CPNE4: variants seen among roughly 807,000 people sequenced by gnomAD.
CPNE4 encodes the protein copine 4.
A neutral mutation model predicts 67.9 loss-of-function variants in CPNE4; 25 were observed. That is an observed-to-expected ratio of 0.37 (90% confidence interval 0.27 to 0.51). The LOEUF (loss-of-function observed/expected upper bound fraction) is 0.51. Ranked by LOEUF, CPNE4 falls within the 20% of genes least tolerant of loss-of-function variation. The probability of loss-of-function intolerance (pLI) is 0.93; values close to 1 mark genes in which losing one functional copy is unlikely to be tolerated. For missense variants in CPNE4, 464 were observed against 690.8 expected (o/e 0.67, Z 3.68); for synonymous variants, 242 against 244.9 (o/e 0.99, Z 0.11).
chr3:131,678,332 C>T (rs528165686), intron 6 of CPNE4, among the ~76,000 whole-genome samples: 17 of 152,102 alleles, frequency 1.1e-4, no homozygotes, highest in South Asian at 4.2e-4. Context: ...AAGAAGCTTT[C>T]GGGCTGAGAC....
chr3:131,813,064 T>C (rs905025058), intron 2 of CPNE4, among the ~76,000 whole-genome samples: 14 of 152,178 alleles, frequency 9.2e-5, no homozygotes, highest in Non-Finnish European at 1.9e-4. Flanking sequence ...GAAAATTGTA[T>C]TATATTGACT....
At chr3:131,544,074 A>C (rs1321265513) in intron 14 of CPNE4, among the ~76,000 whole-genome samples, 2 of 152,200 alleles carry the variant, frequency 1.3e-5, no homozygotes, top group African/African-American at 4.8e-5. Context: ...TCAACATGAG[A>C]GGCATCATGA....
chr3:131,544,580 T>C (rs1328522236), intron 14 of CPNE4, among the ~76,000 whole-genome samples: 1 of 152,200 alleles, frequency 6.6e-6, no homozygotes, highest in Non-Finnish European at 1.5e-5. Flanking sequence ...TTCTGAGTTG[T>C]ATATGTTCAC....
intron 2 of CPNE4, among the ~76,000 whole-genome samples, chr3:131,847,943 G>C (rs2086067352): frequency 6.6e-6 from 1 of 152,164 alleles, no homozygotes; most frequent in Admixed American, 6.5e-5. Context: ...GCTCTGCACA[G>C]CTGGGGTCCC....
chr3:131,814,663 G>C, intron 2 of CPNE4, among the ~76,000 whole-genome samples: 1 of 106,072 alleles, frequency 9.4e-6, no homozygotes, highest in Non-Finnish European at 1.6e-5. Context: ...GGAGTGCAGT[G>C]GCGGGATCTC....
In CPNE4 at chr3:131,587,526, G is replaced by A; in HGVS notation, c.738C>T (p.Thr246=). The A allele has an allele frequency of 6.2e-7, 1 of 1,613,768 alleles. No individual in the cohort carries two copies. The highest frequency in any genetic ancestry group is 8.5e-7 in the Non-Finnish European group (1 of 1,179,742). Residue 246 remains threonine (T), a synonymous_variant, in exon 8 of 16, where the codon ACC becomes ACT. Transcript: ENST00000429747. Reference sequence around the variant, plus strand: ...CTCCTCTCATCTCCTTGAATGTCGAGGTGAATTCTCCAATGAAGTCATGCT... The same window carrying A: ...CTCCTCTCATCTCCTTGAATGTCGAAGTGAATTCTCCAATGAAGTCATGCT... ...NGKHDFIGEF[T]STFKEMRGAM... is the part of the protein sequence containing the mutation.
At chr3:131,753,642 T>C (rs1346194158) in intron 2 of CPNE4, among the ~76,000 whole-genome samples, 1 of 152,066 alleles carries the variant, frequency 6.6e-6, no homozygotes, top group Non-Finnish European at 1.5e-5. Flanking sequence ...TTCACAGAAA[T>C]AAAAAATCCA....
chr3:131,671,505 C>G (rs139961220), intron 6 of CPNE4, among the ~76,000 whole-genome samples: 1 of 151,228 alleles, frequency 6.6e-6, no homozygotes, highest in Non-Finnish European at 1.5e-5. Context: ...AGGCTACCCA[C>G]AAGTGAGCAG....
At chr3:132,037,552 C>T (rs1377622142), upstream of CPNE4, 3 of 1,535,366 alleles carry the variant, frequency 2.0e-6, no homozygotes, top group East Asian at 2.4e-5. Context: ...GTCTCTATCA[C>T]TCACCTCCTC....
At chr3:132,001,607 GAA>G (rs2073450725) in intron 1 of CPNE4, among the ~76,000 whole-genome samples, 1 of 147,518 alleles carries the variant, frequency 6.8e-6, no homozygotes, top group Admixed American at 6.7e-5. Context: ...AAGAAAGAAA[GAA>G]AGAAAGAAAA....
At chr3:131,597,552 G>A (rs1938956970) in intron 7 of CPNE4, among the ~76,000 whole-genome samples, 1 of 152,138 alleles carries the variant, frequency 6.6e-6, no homozygotes, top group Non-Finnish European at 1.5e-5. Flanking sequence ...AGTTCCTGGT[G>A]GGCAGAAACC....
chr3:131,622,620 C>T (rs1259306842), intron 7 of CPNE4, among the ~76,000 whole-genome samples: 2 of 152,108 alleles, frequency 1.3e-5, no homozygotes, highest in Non-Finnish European at 2.9e-5. Context: ...ATATGGGTGC[C>T]TAATTCTAGG....
At chr3:131,776,773 T>C (rs980791050) in intron 2 of CPNE4, among the ~76,000 whole-genome samples, 20 of 152,234 alleles carry the variant, frequency 1.3e-4, no homozygotes, top group South Asian at 1.0e-3. Context: ...ACAATGCCTT[T>C]TGTTCATCAA....
intron 11 of CPNE4, among the ~76,000 whole-genome samples, chr3:131,561,358 C>T (rs111700591): frequency 9.3e-5 from 14 of 151,072 alleles, no homozygotes; most frequent in Non-Finnish European, 1.3e-4. Context: ...TGTGTGTGTG[C>T]GCACATACAT....
intron 13 of CPNE4, among the ~76,000 whole-genome samples, chr3:131,552,093 A>C (rs1299813340): frequency 2.0e-5 from 3 of 151,698 alleles, no homozygotes; most frequent in Non-Finnish European, 4.4e-5. Flanking sequence ...CACTTGATGA[A>C]AATTTGGAAA....
At chr3:131,990,298 G>T (rs2073147914) in intron 1 of CPNE4, among the ~76,000 whole-genome samples, 2 of 136,040 alleles carry the variant, frequency 1.5e-5, no homozygotes, top group African/African-American at 4.9e-5. Flanking sequence ...CAGGCTATAG[G>T]TTATTTTACT....
intron 7 of CPNE4, among the ~76,000 whole-genome samples, chr3:131,603,659 C>T (rs1192348589): frequency 2.0e-5 from 3 of 152,138 alleles, no homozygotes; most frequent in African/African-American, 7.2e-5. Context: ...GAGGCTGAGA[C>T]ACAGTATCTG....
At chr3:131,781,810 G>C (rs1187637961) in intron 2 of CPNE4, among the ~76,000 whole-genome samples, 1 of 152,026 alleles carries the variant, frequency 6.6e-6, no homozygotes, top group Non-Finnish European at 1.5e-5. Context: ...CCTTGAGTAA[G>C]TGGCTTCACA....
chr3:131,968,357 T>C (rs910116265), intron 1 of CPNE4, among the ~76,000 whole-genome samples: 3 of 152,080 alleles, frequency 2.0e-5, no homozygotes, highest in African/African-American at 7.2e-5. Flanking sequence ...AATTGACAAA[T>C]GGGATCTAAC....
Sources: allele counts gnomAD v4.1 joint callset (sites outside exome capture counted in the v4.1 genomes callset), GRCh38; gene constraint gnomAD v4.1.1; transcripts MANE v1.5; gene names NCBI Gene and HGNC (gene_info 2026-07-23, HGNC 2026-07-21).